Variants in EFNA5 observed in about 807,000 individuals in gnomAD.
EFNA5 encodes the protein ephrin-A5.
EFNA5 carries 5 observed loss-of-function variants against 22.9 expected under a neutral mutation model. The ratio of observed to expected loss-of-function variants is 0.22; its 90% CI spans 0.11 to 0.46. The LOEUF (loss-of-function observed/expected upper bound fraction) is 0.46, where lower values mean the gene tolerates loss of function less well. EFNA5 is among the 20% of genes least tolerant of loss of function. The pLI is 0.99. For missense variants in EFNA5, 237 were observed against 293.3 expected (o/e 0.81, Z 1.40); for synonymous variants, 113 against 112.2 (o/e 1.01, Z -0.04).
rs1475428204 is a variant in EFNA5, at chr5:107,496,356, A to C, written c.126-68847T>G. On this transcript the variant is annotated intron_variant, in intron 1 of 4. Coordinates refer to ENST00000333274, the MANE Select transcript of EFNA5 (RefSeq NM_001962.3). ...CATCTCAAAAAAAAAAAAAAAAACA[A>C]AAAAACAAAAAACAACAACTACCCA... Among the ~76,000 whole-genome samples, 3 of 148,918 alleles carry C rather than the reference A, an allele frequency of 2.0e-5. No individual in the cohort carries two copies. In the East Asian group the frequency reaches 5.9e-4, roughly 29 times the overall value.
At chr5:107,412,943 A>G (rs1748408911) in intron 2 of EFNA5, among the ~76,000 whole-genome samples, 1 of 152,238 alleles carries the variant, frequency 6.6e-6, no homozygotes, top group South Asian at 2.1e-4. Flanking sequence ...TTTTTGACAC[A>G]TGCAAATGTA....
At chr5:107,634,440 C>T (rs559686984) in intron 1 of EFNA5, among the ~76,000 whole-genome samples, 239 of 152,172 alleles carry the variant, frequency 1.6e-3, no homozygotes, top group African/African-American at 5.5e-3. Context: ...CACTTGAGCC[C>T]AGGTGTTTGA....
At chr5:107,543,293 A>G (rs373275264) in intron 1 of EFNA5, among the ~76,000 whole-genome samples, 6 of 152,188 alleles carry the variant, frequency 3.9e-5, no homozygotes, top group South Asian at 2.1e-4. Context: ...ACAACCACAA[A>G]AGATTTTCAA....
intron 1 of EFNA5, among the ~76,000 whole-genome samples, chr5:107,575,104 G>T (rs1264077520): frequency 1.3e-5 from 2 of 152,044 alleles, no homozygotes; most frequent in Non-Finnish European, 2.9e-5. Flanking sequence ...ACGTAACAAA[G>T]AATAAAAACG....
intron 1 of EFNA5, among the ~76,000 whole-genome samples, chr5:107,553,334 A>G (rs866252414): frequency 6.6e-6 from 1 of 152,188 alleles, no homozygotes; most frequent in Non-Finnish European, 1.5e-5. Flanking sequence ...TATGTGACAC[A>G]GGGAGAGGAA....
chr5:107,430,774 CTTTTTTT>C (rs869266799), intron 1 of EFNA5, among the ~76,000 whole-genome samples: 26 of 20,292 alleles, frequency 1.3e-3, no homozygotes, highest in Non-Finnish European at 4.3e-3. Context: ...TTCTTTCTTT[CTTTTTTT>C]TTTTTTTTTT....
At chr5:107,385,329 T>C (rs1291431147) in intron 4 of EFNA5, among the ~76,000 whole-genome samples, 2 of 152,050 alleles carry the variant, frequency 1.3e-5, no homozygotes, top group African/African-American at 4.8e-5. Context: ...CAGAGAAAAA[T>C]ATGCAATCTG....
intron 1 of EFNA5, among the ~76,000 whole-genome samples, chr5:107,599,677 A>T (rs1223650090): frequency 6.6e-6 from 1 of 152,270 alleles, no homozygotes; most frequent in African/African-American, 2.4e-5. Flanking sequence ...GTCTAGAAAG[A>T]TTTGTTAAAT....
intron 1 of EFNA5, among the ~76,000 whole-genome samples, chr5:107,526,528 A>G (rs985569928): frequency 2.0e-5 from 3 of 152,238 alleles, no homozygotes; most frequent in Non-Finnish European, 2.9e-5. Context: ...TTCATAAGGC[A>G]AAAAGTATAT....
intron 1 of EFNA5, among the ~76,000 whole-genome samples, chr5:107,438,609 C>A (rs888659132): frequency 6.6e-6 from 1 of 152,160 alleles, no homozygotes; most frequent in Non-Finnish European, 1.5e-5. Flanking sequence ...TACCTGACAT[C>A]CAGTCTCTGT....
Position 107,657,066 on chromosome 5 carries a change from A to G in EFNA5, c.125+13423T>C, listed in dbSNP as rs1750842196. Among the ~76,000 whole-genome samples, 3 of 152,184 alleles carry G rather than the reference A, an allele frequency of 2.0e-5. No individual in the cohort carries two copies. In the South Asian group the frequency reaches 6.2e-4, roughly 31 times the overall value. ...TTAAATCTGTATAGGAACATATATT[A>G]GTATATGGAAGAACTTGGTTACAAC... On this transcript the variant is annotated intron_variant, in intron 1 of 4. Coordinates refer to ENST00000333274, the MANE Select transcript of EFNA5 (RefSeq NM_001962.3).
chr5:107,670,400 C>A (rs954250029), intron 1 of EFNA5, 89 bp downstream of exon 1: 396 of 1,426,392 alleles, frequency 2.8e-4, no homozygotes, highest in Non-Finnish European at 3.6e-4. Context: ...GCGCCGCCAG[C>A]GGTTGGTGCG....
chr5:107,569,562 TA>T (rs1748745197), intron 1 of EFNA5, among the ~76,000 whole-genome samples: 4 of 19,834 alleles, frequency 2.0e-4, no homozygotes, highest in African/African-American at 4.6e-4. Context: ...TATATATTTA[TA>T]TATATATATA....
chr5:107,654,787 C>CAA (rs1312983192), intron 1 of EFNA5, among the ~76,000 whole-genome samples: 7 of 151,664 alleles, frequency 4.6e-5, no homozygotes, highest in African/African-American at 1.7e-4. Context: ...TTCCTCCCTC[C>CAA]AAAAAAAATA....
rs542868156 is a variant in EFNA5, at chr5:107,431,848, T to C, written c.126-4339A>G. Among the ~76,000 whole-genome samples, 75 of 152,348 alleles carry C rather than the reference T, an allele frequency of 4.9e-4. 1 individual carries two copies. The highest frequency in any genetic ancestry group is 3.4e-3 in the Middle Eastern group (1 of 294). ...TGAAATCCTCGAAACAACCCTATTT[T>C]GTAGTTTTAATTAGTTTCACTTTAC... On this transcript the variant is annotated intron_variant, in intron 1 of 4. Coordinates refer to ENST00000333274, the MANE Select transcript of EFNA5 (RefSeq NM_001962.3).
rs533111168 is a variant in EFNA5, at chr5:107,562,346, G to T, written c.125+108143C>A. Reference sequence around the variant, plus strand: ...CTTTCCTCCCCTCCGCCCATCGTCTGTCTCTCTCTCCATCTCTCTCTCTCT... The same window carrying T: ...CTTTCCTCCCCTCCGCCCATCGTCTTTCTCTCTCTCCATCTCTCTCTCTCT... On this transcript the variant is annotated intron_variant, in intron 1 of 4. Coordinates refer to ENST00000333274, the MANE Select transcript of EFNA5 (RefSeq NM_001962.3). Among the ~76,000 whole-genome samples the T allele has an allele frequency of 2.0e-5, 3 of 151,974 alleles. No homozygotes were observed. In the South Asian group the frequency reaches 6.3e-4, roughly 32 times the overall value.
At chr5:107,634,947 A>ATTTAAC (rs1240610124) in intron 1 of EFNA5, among the ~76,000 whole-genome samples, 1 of 152,232 alleles carries the variant, frequency 6.6e-6, no homozygotes, top group East Asian at 1.9e-4. Flanking sequence ...AAAGAAACGC[A>ATTTAAC]TTTAACTTAC....
At chr5:107,387,338 AG>A in intron 3 of EFNA5, 23 bp from the exon 4 acceptor site, 1 of 1,508,522 alleles carries the variant, frequency 6.6e-7, no homozygotes, top group Non-Finnish European at 9.1e-7. Context: ...TAGAGATAAC[AG>A]CCAAATATGT....
intron 2 of EFNA5, among the ~76,000 whole-genome samples, chr5:107,389,581 CAG>C (rs1747730653): frequency 6.6e-6 from 1 of 152,172 alleles, no homozygotes; most frequent in African/African-American, 2.4e-5. Flanking sequence ...AGGCTGAAGA[CAG>C]AATCAAATGC....
Sources: gnomAD v4.1 joint callset for allele counts (sites outside exome capture counted in the v4.1 genomes callset) on GRCh38, gnomAD v4.1.1 for gene constraint, MANE v1.5 for transcripts, NCBI Gene and HGNC (gene_info 2026-07-23, HGNC 2026-07-21) for gene names.